Variants in LYST observed in about 807,000 individuals in gnomAD.
LYST encodes lysosomal trafficking regulator.
LYST carries 192 observed loss-of-function variants against 413.6 expected under a neutral mutation model. The ratio of observed to expected loss-of-function variants is 0.46; its 90% confidence interval spans 0.41 to 0.52. The LOEUF (loss-of-function observed/expected upper bound fraction) is 0.52, where lower values mean the gene tolerates loss of function less well. LYST is among the 20% of genes least tolerant of loss of function. The pLI is 0.00. For synonymous variants in LYST, 1,525 were observed against 1,567.3 expected (o/e 0.97, Z 0.64); for missense variants, 3,815 against 4,499.9 (o/e 0.85, Z 4.35).
chr1:235,732,478 T>C (rs1454079218), intron 34 of LYST, among the ~76,000 whole-genome samples: 1 of 152,092 alleles, frequency 6.6e-6, no homozygotes, highest in Non-Finnish European at 1.5e-5. Flanking sequence ...GCCTTCCATA[T>C]TTCGAATATT....
intron 46 of LYST, 148 bp from the exon 47 acceptor site, chr1:235,693,634 AT>A: frequency 1.2e-6 from 1 of 819,324 alleles, no homozygotes; most frequent in Non-Finnish European, 1.9e-6. Flanking sequence ...AAATGGAACA[AT>A]TTTTTAGTTT....
chr1:235,722,166 G>A (rs1026354745), intron 39 of LYST, among the ~76,000 whole-genome samples: 14 of 152,352 alleles, frequency 9.2e-5, no homozygotes, highest in African/African-American at 2.4e-4. Flanking sequence ...CATGGATGGA[G>A]TAGACAGAGC....
At chr1:235,680,143 T>C (rs2103042036) in intron 48 of LYST, among the ~76,000 whole-genome samples, 1 of 152,142 alleles carries the variant, frequency 6.6e-6, no homozygotes, top group African/African-American at 2.4e-5. Context: ...AGATATATTT[T>C]TGTATATATA....
chr1:235,672,038 T>C (rs147712066), intron 50 of LYST, among the ~76,000 whole-genome samples: 174 of 152,260 alleles, frequency 1.1e-3, no homozygotes, highest in Non-Finnish European at 2.1e-3. Flanking sequence ...AGCTTGGATA[T>C]AAGGAGAAAG....
intron 19 of LYST, among the ~76,000 whole-genome samples, chr1:235,772,442 A>G (rs150043337): frequency 4.5e-4 from 69 of 152,142 alleles, no homozygotes; most frequent in Admixed American, 2.4e-3. Flanking sequence ...ATCAGTACCT[A>G]CTAGAACCCT....
intron 45 of LYST, among the ~76,000 whole-genome samples, chr1:235,699,543 G>A (rs567909434): frequency 2.0e-5 from 3 of 152,264 alleles, no homozygotes; most frequent in African/African-American, 7.2e-5. Flanking sequence ...AAACATACGA[G>A]TGCATGTGTC....
chr1:235,737,993 T>C (rs1222589104), intron 31 of LYST: 6 of 1,445,746 alleles, frequency 4.2e-6, no homozygotes, highest in Middle Eastern at 2.7e-4. Context: ...AAGTCCAATA[T>C]ACTCTCAAGT....
chr1:235,770,792 C>T (rs28494691), intron 19 of LYST, among the ~76,000 whole-genome samples: 3,305 of 152,196 alleles, frequency 0.022, 120 homozygotes, highest in African/African-American at 0.075. Flanking sequence ...CTTTCAAGTT[C>T]AAATAATAGA....
intron 38 of LYST, among the ~76,000 whole-genome samples, chr1:235,727,272 C>A (rs1663971207): frequency 1.3e-5 from 2 of 151,678 alleles, no homozygotes; most frequent in African/African-American, 2.4e-5. Context: ...ATAGGCGCCA[C>A]CACCACAACT....
chr1:235,730,470 G>C (rs1350172081), intron 36 of LYST, among the ~76,000 whole-genome samples: 1 of 151,780 alleles, frequency 6.6e-6, no homozygotes, highest in Non-Finnish European at 1.5e-5. Flanking sequence ...TTAATAGATA[G>C]AGATGTTAAA....
Position 235,713,115 on chromosome 1 carries a change from T to G in LYST, c.9785-918A>C, listed in dbSNP as rs933622078. ...TCTGCTGAGCAACATCTTCTGTCAC[T>G]TGTATTACTTTCTCATCTATTCTGT... On this transcript the variant is annotated intron_variant, in intron 42 of 52. Coordinates refer to ENST00000389793, the MANE Select transcript of LYST (RefSeq NM_000081.4). 10 of 985,262 alleles carry G rather than the reference T, an allele frequency of 1.0e-5. No individual in the cohort carries two copies. In the African/African-American group the frequency reaches 1.4e-4, roughly 14 times the overall value. The allele number at this position is 985,262 out of a possible 1,614,324, so 61.0% of individuals were successfully genotyped here. A position where few individuals can be genotyped will look rare whatever the true frequency, so the allele number is the denominator to read the frequency against.
intron 10 of LYST, among the ~76,000 whole-genome samples, chr1:235,797,339 A>G (rs1671665393): frequency 6.6e-6 from 1 of 152,218 alleles, no homozygotes; most frequent in South Asian, 2.1e-4. Context: ...AGACCTGACA[A>G]ACACTACTTA....
At chr1:235,831,714 T>C (rs1158154681) in intron 2 of LYST, among the ~76,000 whole-genome samples, 1 of 152,194 alleles carries the variant, frequency 6.6e-6, no homozygotes, top group African/African-American at 2.4e-5. Flanking sequence ...TTTTGAATAT[T>C]AGAAAGGAGA....
Position 235,813,049 on chromosome 1 carries a change from T to C in LYST, c.205A>G (p.Arg69Gly). ...AGAAGAAGAGTCAGGAGTTCTTCTCTACATGTCAATGCCTATGTCAGTAAC... is the reference window on the plus strand; with the variant it reads ...AGAAGAAGAGTCAGGAGTTCTTCTCCACATGTCAATGCCTATGTCAGTAAC... ...NSIIDQALTC[R>G]EELLTLLLSL... is the part of the protein sequence containing the mutation. Residue 69 changes from arginine (R) to glycine (G), a missense_variant, in exon 4 of 53, where the codon AGA becomes GGA. Coordinates refer to ENST00000389793, the MANE Select transcript of LYST (RefSeq NM_000081.4). 3 of 1,587,782 alleles carry C rather than the reference T, an allele frequency of 1.9e-6. No individual in the cohort carries two copies. Among genetic ancestry groups the C allele is most frequent in the Non-Finnish European group, 1.7e-6 (2 of 1,156,170 alleles).
intron 28 of LYST, among the ~76,000 whole-genome samples, chr1:235,750,566 C>T (rs1179256350): frequency 6.6e-6 from 1 of 152,032 alleles, no homozygotes; most frequent in African/African-American, 2.4e-5. Flanking sequence ...CATATTTATC[C>T]ACTATGTATA....
At position 235,804,678 on chromosome 1, in the gene LYST, A is replaced by C; in HGVS notation, c.3394-13T>G. On this transcript the variant is annotated splice_polypyrimidine_tract_variant and intron_variant, in intron 6 of 52. Coordinates refer to ENST00000389793, the MANE Select transcript of LYST (RefSeq NM_000081.4). ...CCACAGACAAGTTCTAAGGTAAAAT[A>C]AAAGAGACTAAGAATATTAATAACC... 6.8e-7 allele frequency: 1 copy of C among 1,476,712 alleles called. No homozygotes were observed. Among genetic ancestry groups the C allele is most frequent in the Non-Finnish European group, 9.4e-7 (1 of 1,058,948 alleles). The allele number at this position is 1,476,712 out of a possible 1,614,324, so 91.5% of individuals were successfully genotyped here. A position where few individuals can be genotyped will look rare whatever the true frequency, so the allele number is the denominator to read the frequency against.
chr1:235,743,853 C>T (rs1665655635), intron 30 of LYST, 126 bp downstream of exon 30: 5 of 607,078 alleles, frequency 8.2e-6, no homozygotes, highest in Non-Finnish European at 1.2e-5. Context: ...TCAAGTTGTC[C>T]GAGTTTTAAA....
chr1:235,843,488 C>T (rs57933566), intron 1 of LYST, among the ~76,000 whole-genome samples: 9,427 of 152,052 alleles, frequency 0.062, 975 homozygotes, highest in African/African-American at 0.22. Flanking sequence ...CTATGTGGAG[C>T]CTAAGAAATT....
intron 43 of LYST, among the ~76,000 whole-genome samples, chr1:235,709,713 T>C (rs138773820): frequency 6.7e-6 from 1 of 150,352 alleles, no homozygotes; most frequent in East Asian, 1.9e-4. Flanking sequence ...TTCTAAACTA[T>C]TGGTATTAAC....
Sources: gnomAD v4.1 joint callset for allele counts (sites outside exome capture counted in the v4.1 genomes callset) on GRCh38, gnomAD v4.1.1 for gene constraint, MANE v1.5 for transcripts, NCBI Gene and HGNC (gene_info 2026-07-23, HGNC 2026-07-21) for gene names.